RASAL1: variants seen among roughly 807,000 people sequenced by gnomAD.
RASAL1 encodes RAS protein activator like 1.
Under a neutral mutation model 96.6 loss-of-function variants are expected in RASAL1, and 72 were observed. The ratio of observed to expected loss-of-function variants is 0.75; its 90% CI spans 0.62 to 0.91. The LOEUF (loss-of-function observed/expected upper bound fraction) is 0.91, where lower values mean the gene tolerates loss of function less well. RASAL1 is among the 40% of genes least tolerant of loss of function. The pLI is 0.00. For missense variants in RASAL1, 1,016 were observed against 1,072.5 expected, an observed-to-expected ratio of 0.95 and a Z score of 0.74; for synonymous variants, 405 against 430.4, an observed-to-expected ratio of 0.94 and a Z score of 0.73.
rs150844584 is a variant in RASAL1 at position 113,128,142 on chromosome 12, C to T, written c.159G>A (p.Trp53Ter). Residue 53 changes from tryptophan (W) to a stop codon, truncating the protein, a stop_gained, in exon 3 of 21, where the codon TGG (tryptophan) becomes TGA (stop). Transcript: ENST00000548055. LOFTEE classifies it high-confidence loss of function. The stretch of plus-strand genomic sequence containing the variant: ...GCAGGTGCACCGTGTACTCCTCCCC[C>T]CAGAAGGGGCCCAGGCTCCTCCAGA... ...ATVWRSLGPF[W>*]GEEYTVHLPL... is the part of the protein sequence containing the mutation. 12 of 1,613,738 alleles carry T rather than the reference C, an allele frequency of 7.4e-6. No individual in the cohort carries two copies. The highest frequency in any genetic ancestry group is 1.0e-5 in the Non-Finnish European group (12 of 1,179,962).
At chr12:113,132,595 T>G (rs559044229) in intron 1 of RASAL1, among the ~76,000 whole-genome samples, 1 of 152,334 alleles carries the variant, frequency 6.6e-6, no homozygotes, top group South Asian at 2.1e-4. Flanking sequence ...TGCCACCTTC[T>G]GTCTCTCCAG....
chr12:113,124,607 C>G (rs1376006243), intron 4 of RASAL1, among the ~76,000 whole-genome samples: 1 of 152,148 alleles, frequency 6.6e-6, no homozygotes, highest in African/African-American at 2.4e-5. Context: ...TGGAGGCCGA[C>G]AAAACTTGGG....
At chr12:113,103,048 G>A (rs570986915) in intron 18 of RASAL1, 24 of 318,678 alleles carry the variant, frequency 7.5e-5, no homozygotes, top group Non-Finnish European at 1.3e-4. Context: ...TCCTGAGGCT[G>A]GGTCAGAGGC....
chr12:113,123,907 C>T (rs569316378), intron 4 of RASAL1, among the ~76,000 whole-genome samples: 16 of 152,094 alleles, frequency 1.1e-4, no homozygotes, highest in Non-Finnish European at 1.8e-4. Flanking sequence ...GGAAAAAATA[C>T]TGAGGGATTT....
chr12:113,123,012 C>G (rs1199046673), intron 4 of RASAL1, among the ~76,000 whole-genome samples: 8 of 152,172 alleles, frequency 5.3e-5, no homozygotes, highest in African/African-American at 1.9e-4. Context: ...CTCCCTTTAA[C>G]TATGAATAAT....
At chr12:113,108,041 C>A in intron 14 of RASAL1, 44 bp downstream of exon 14, 1 of 1,563,944 alleles carries the variant, frequency 6.4e-7, no homozygotes. Context: ...ATGCTTTTTT[C>A]CCTGGCTAAA....
chr12:113,123,880 G>C (rs1951387810), intron 4 of RASAL1, among the ~76,000 whole-genome samples: 1 of 151,786 alleles, frequency 6.6e-6, no homozygotes, highest in Admixed American at 6.6e-5. Flanking sequence ...ATTCCACCCA[G>C]TCTCATGACT....
chr12:113,130,114 C>T lies in RASAL1; in HGVS notation c.122+771G>A, dbSNP rs916361112. 4.6e-5 allele frequency among the ~76,000 whole-genome samples: 7 copies of T among 152,090 alleles called. No individual in the cohort carries two copies. The highest frequency in any genetic ancestry group is 1.7e-4 in the African/African-American group (7 of 41,414). ...GGAGCATCCTGAATCCTGCCGTCTC[C>T]ATAGGAACCAAGGCCTCAGCCACCC... On this transcript the variant is annotated intron_variant, in intron 2 of 20. Transcript: ENST00000548055. The surrounding 1 kb of genome is among the most constrained non-coding windows in gnomAD (Gnocchi z 5.1).
rs1472393766 is a variant in RASAL1 at position 113,130,843 on chromosome 12, G to C, written c.122+42C>G. On this transcript the variant is annotated intron_variant, in intron 2 of 20. Transcript: ENST00000548055. This position sits in a 1 kb window ranked among gnomAD's most constrained non-coding sequence, Gnocchi z 5.1. ...CCCAGATTCCCCAGGTCTAGAAAGA[G>C]ACCCCTCCCTTCCTCCTCTCCCCCG... The C allele has an allele frequency of 1.9e-6, 3 of 1,549,494 alleles. No homozygotes were observed. The highest frequency in any genetic ancestry group is 1.8e-6 in the Non-Finnish European group (2 of 1,127,292).
intron 20 of RASAL1, 63 bp from the exon 21 acceptor site, chr12:113,100,131 AC>A: frequency 6.8e-7 from 1 of 1,476,684 alleles, no homozygotes; most frequent in Non-Finnish European, 9.1e-7. Context: ...TGTAACCCGG[AC>A]CCAATGGTTT....
chr12:113,107,935 T>C (rs1950708324), intron 14 of RASAL1, 150 bp downstream of exon 14: 5 of 891,684 alleles, frequency 5.6e-6, no homozygotes, highest in Non-Finnish European at 8.2e-6. Context: ...GCCTTCACCC[T>C]TGGGATGGAA....
intron 12 of RASAL1, among the ~76,000 whole-genome samples, chr12:113,113,199 G>A (rs1331259047): frequency 6.6e-6 from 1 of 152,140 alleles, no homozygotes; most frequent in Non-Finnish European, 1.5e-5. Flanking sequence ...TGACAGCTGG[G>A]GGTTCTCAGC....
chr12:113,106,963 T>A, intron 15 of RASAL1, 134 bp downstream of exon 15: 1 of 1,019,964 alleles, frequency 9.8e-7, no homozygotes, highest in East Asian at 2.6e-5. Flanking sequence ...ACAGTAAGTA[T>A]CAGGAAATGT....
At chr12:113,103,273 T>A (rs1042567467) in intron 18 of RASAL1, among the ~76,000 whole-genome samples, 3 of 150,604 alleles carry the variant, frequency 2.0e-5, no homozygotes, top group Non-Finnish European at 4.4e-5. Flanking sequence ...TACATTGTTA[T>A]ACATTGTATA....
chr12:113,126,347 A>C (rs1334853794), intron 4 of RASAL1, among the ~76,000 whole-genome samples: 1 of 152,082 alleles, frequency 6.6e-6, no homozygotes, highest in Non-Finnish European at 1.5e-5. Flanking sequence ...AGAGTGTAAA[A>C]GGCTGCAATT....
rs1951636317 is a variant in RASAL1 at position 113,129,878 on chromosome 12, C to T, written c.122+1007G>A. Among the ~76,000 whole-genome samples the T allele has an allele frequency of 6.6e-6, 1 of 152,232 alleles. No homozygotes were observed. Among genetic ancestry groups the T allele is most frequent in the Admixed American group, 6.5e-5 (1 of 15,286 alleles). On this transcript the variant is annotated intron_variant, in intron 2 of 20. Coordinates refer to ENST00000548055, the MANE Select transcript of RASAL1 (RefSeq NM_001301202.2). The surrounding 1 kb of genome is among the most constrained non-coding windows in gnomAD (Gnocchi z 5.0). ...ATTCCCCAGCTCCTGAGCTGAAAGGCTTCTTACAGCCCAGAGAGGGAGAGA... is the reference window on the plus strand; with the variant it reads ...ATTCCCCAGCTCCTGAGCTGAAAGGTTTCTTACAGCCCAGAGAGGGAGAGA...
chr12:113,126,688 TCACACACACACA>T (rs71455143), intron 4 of RASAL1, among the ~76,000 whole-genome samples: 15 of 139,014 alleles, frequency 1.1e-4, no homozygotes, highest in East Asian at 8.3e-4. Flanking sequence ...TCTCTCTCTC[TCACACACACACA>T]CACACACACA....
At chr12:113,101,785 C>T in intron 19 of RASAL1, 104 bp downstream of exon 19, 2 of 1,426,514 alleles carry the variant, frequency 1.4e-6, no homozygotes, top group Non-Finnish European at 1.9e-6. Flanking sequence ...GGAATATCCA[C>T]CAACACACAT....
chr12:113,114,795 C>T lies in RASAL1; in HGVS notation c.1181+5G>A. 6.2e-7 allele frequency: 1 copy of T among 1,612,062 alleles called. No homozygotes were observed. Among genetic ancestry groups the T allele is most frequent in the South Asian group, 1.1e-5 (1 of 91,026 alleles). On this transcript the variant is annotated splice_donor_5th_base_variant and intron_variant, in intron 12 of 20. Coordinates refer to ENST00000548055, the MANE Select transcript of RASAL1 (RefSeq NM_001301202.2). ...GGAAGGTCAGGGTCCTCAGGCTTTG[C>T]TCACCGGGTGCGGCCCAGGTCCATC...
Sources: allele counts gnomAD v4.1 joint callset (sites outside exome capture counted in the v4.1 genomes callset), GRCh38; gene constraint gnomAD v4.1.1; non-coding constraint Gnocchi (gnomAD v3.1); transcripts MANE v1.5; gene names NCBI Gene and HGNC (gene_info 2026-07-23, HGNC 2026-07-21).